Variants in TRIM36 observed in about 807,000 individuals in gnomAD.
TRIM36 encodes tripartite motif containing 36.
In TRIM36, 42 loss-of-function variants were observed where a neutral mutation model predicts 72.4. That is an observed-to-expected ratio of 0.58 (90% CI 0.45 to 0.75). TRIM36 has a LOEUF of 0.75. Among genes scored for constraint, TRIM36 ranks in the 30% least tolerant of loss-of-function variants. TRIM36 has a pLI of 0.00. For missense variants in TRIM36, 913 were observed against 857.1 expected (o/e 1.07, Z -0.81); for synonymous variants, 315 against 282.8 (o/e 1.11, Z -1.14).
At chr5:115,163,422 C>G in intron 2 of TRIM36, 96 bp downstream of exon 2, 1 of 1,065,554 alleles carries the variant, frequency 9.4e-7, no homozygotes. Context: ...AATTAACTCT[C>G]AAGATGACAA....
intron 2 of TRIM36, among the ~76,000 whole-genome samples, chr5:115,160,206 A>T (rs574968839): frequency 6.6e-6 from 1 of 152,028 alleles, no homozygotes; most frequent in South Asian, 2.1e-4. Flanking sequence ...GGTACCCTTT[A>T]AAAAAAACTG....
At position 115,169,682 on chromosome 5, in the gene TRIM36, G is replaced by A. The variant is rs953337448; in HGVS notation, c.-48C>T. 9 of 1,513,194 alleles carry A rather than the reference G, an allele frequency of 5.9e-6. No individual in the cohort carries two copies. The highest frequency in any genetic ancestry group is 1.2e-5 in the South Asian group (1 of 80,708). The allele number at this position is 1,513,194 out of a possible 1,614,324, so 93.7% of individuals were successfully genotyped here. ...TCAGCGGCACGTTCCACTCACACCG[G>A]CTACCGAGCGCAGGGTCTGGTGGGC... is the stretch of plus-strand genomic sequence containing the variant. On this transcript the variant is annotated 5_prime_UTR_variant, in exon 1 of 10. Transcript: ENST00000513154.
chr5:115,148,508 T>C (rs964847463), intron 2 of TRIM36, among the ~76,000 whole-genome samples: 12 of 147,906 alleles, frequency 8.1e-5, no homozygotes, highest in African/African-American at 2.5e-4. Context: ...GCCTCCCAGG[T>C]TCAAGCAATT....
chr5:115,131,679 T>C (rs2112774849), intron 8 of TRIM36, among the ~76,000 whole-genome samples: 1 of 152,318 alleles, frequency 6.6e-6, no homozygotes, highest in East Asian at 1.9e-4. Context: ...TAAATTTGGA[T>C]ACATACATTT....
At chr5:115,168,038 G>A (rs1162365392) in intron 1 of TRIM36, among the ~76,000 whole-genome samples, 2 of 152,118 alleles carry the variant, frequency 1.3e-5, no homozygotes, top group Non-Finnish European at 2.9e-5. Flanking sequence ...CAGATATTGG[G>A]AGAATTCACT....
At chr5:115,175,106 A>T (rs1755275719) in intron 1 of TRIM36, among the ~76,000 whole-genome samples, 1 of 152,086 alleles carries the variant, frequency 6.6e-6, no homozygotes. Context: ...TTTCAGATAC[A>T]TGATAATTTT....
At chr5:115,138,384 C>G (rs1580652945) in intron 5 of TRIM36, among the ~76,000 whole-genome samples, 2 of 152,116 alleles carry the variant, frequency 1.3e-5, no homozygotes, top group African/African-American at 4.8e-5. Flanking sequence ...CAAGCATGAG[C>G]CACCGCGCCT....
At chr5:115,134,924 T>A (rs563063428) in intron 7 of TRIM36, among the ~76,000 whole-genome samples, 68 of 152,302 alleles carry the variant, frequency 4.5e-4, no homozygotes, top group Non-Finnish European at 7.9e-4. Flanking sequence ...AAAATCATGG[T>A]ACATATTTTT....
intron 2 of TRIM36, among the ~76,000 whole-genome samples, chr5:115,160,251 G>A (rs1754407784): frequency 6.6e-6 from 1 of 151,868 alleles, no homozygotes; most frequent in South Asian, 2.1e-4. Flanking sequence ...CAAAAGAAAT[G>A]TATGAGCCAA....
At chr5:115,128,849 T>C (rs943831820) in intron 9 of TRIM36, among the ~76,000 whole-genome samples, 3 of 150,658 alleles carry the variant, frequency 2.0e-5, no homozygotes, top group East Asian at 1.9e-4. Flanking sequence ...ATAAATTTAG[T>C]GCAGCCTAAG....
At chr5:115,151,094 C>G (rs1753868470) in intron 2 of TRIM36, among the ~76,000 whole-genome samples, 2 of 152,160 alleles carry the variant, frequency 1.3e-5, no homozygotes, top group Admixed American at 1.3e-4. Flanking sequence ...GAAGGAAAGC[C>G]ATACTTGCTT....
Position 115,147,400 on chromosome 5 carries a change from TA to T in TRIM36, c.263-7del. The T allele has an allele frequency of 6.2e-7, 1 of 1,606,756 alleles. No homozygotes were observed. The highest frequency in any genetic ancestry group is 8.5e-7 in the Non-Finnish European group (1 of 1,173,894). On this transcript the variant is annotated splice_polypyrimidine_tract_variant and splice_region_variant and intron_variant, in intron 2 of 9. Coordinates refer to ENST00000513154, the MANE Select transcript of TRIM36 (RefSeq NM_001300759.2). ...CAATGAATTGCGCTTCCAGCCTGTG[TA>T]ATTAGTAAGTCTTTGTTTAGTTATA...
intron 2 of TRIM36, among the ~76,000 whole-genome samples, chr5:115,158,682 C>T (rs1199176660): frequency 6.6e-6 from 1 of 152,168 alleles, no homozygotes; most frequent in Non-Finnish European, 1.5e-5. Flanking sequence ...GTTATATTTA[C>T]CTTTTGGGTA....
At chr5:115,180,046 C>A in exon 1 of TRIM36, 4 of 1,613,428 alleles carry the variant, frequency 2.5e-6, no homozygotes, top group Non-Finnish European at 2.5e-6. Context: ...ATGTTTACAC[C>A]CCTTCACAAA....
chr5:115,155,702 A>C (rs1044531810), intron 2 of TRIM36, among the ~76,000 whole-genome samples: 40 of 152,358 alleles, frequency 2.6e-4, no homozygotes, highest in Admixed American at 7.2e-4. Context: ...ACCCACAGCC[A>C]ACATAATAGT....
intron 1 of TRIM36, chr5:115,177,899 G>A: frequency 1.2e-6 from 2 of 1,610,984 alleles, no homozygotes; most frequent in Non-Finnish European, 8.5e-7. Context: ...CAGAGAGAGA[G>A]AGAGCAGAGA....
chr5:115,139,050 AC>A (rs1753129448), intron 5 of TRIM36, among the ~76,000 whole-genome samples: 1 of 151,560 alleles, frequency 6.6e-6, no homozygotes, highest in African/African-American at 2.4e-5. Context: ...TGATCTCCTG[AC>A]CTCATGATCT....
rs377644975 is a variant in TRIM36, at chr5:115,163,758, G to C, written c.28-6C>G. On this transcript the variant is annotated splice_region_variant and splice_polypyrimidine_tract_variant and intron_variant, in intron 1 of 9. Coordinates refer to ENST00000513154, the MANE Select transcript of TRIM36 (RefSeq NM_001300759.2). ...TCGATATTCTTAATGGTAACCTTGAGAGTAAAATAGTCCAAGTTAAAGGCT... is the reference window on the plus strand; with the variant it reads ...TCGATATTCTTAATGGTAACCTTGACAGTAAAATAGTCCAAGTTAAAGGCT... 1.2e-6 allele frequency: 2 copies of C among 1,612,344 alleles called. No homozygotes were observed. The highest frequency in any genetic ancestry group is 8.5e-7 in the Non-Finnish European group (1 of 1,178,658).
intron 7 of TRIM36, among the ~76,000 whole-genome samples, chr5:115,135,547 T>A (rs1004953761): frequency 6.6e-6 from 1 of 151,932 alleles, no homozygotes. Context: ...AGGTGACTAC[T>A]ATCCCATTCT....
Sources: allele counts gnomAD v4.1 joint callset (sites outside exome capture counted in the v4.1 genomes callset), GRCh38; gene constraint gnomAD v4.1.1; transcripts MANE v1.5; gene names NCBI Gene and HGNC (gene_info 2026-07-23, HGNC 2026-07-21).